Variants in ANKRD30B observed in about 807,000 individuals in gnomAD.
The protein encoded by ANKRD30B is ankyrin repeat domain-containing protein 30B.
ANKRD30B carries 144 observed loss-of-function variants against 202.2 expected under a neutral mutation model. The observed-to-expected ratio is 0.71, with a 90% CI of 0.62 to 0.82. The LOEUF is 0.82. ANKRD30B is among the 40% of genes least tolerant of loss of function. The pLI, the probability that ANKRD30B is intolerant of heterozygous loss-of-function variation, is 0.00. For synonymous variants in ANKRD30B, 508 were observed against 561.3 expected, an observed-to-expected ratio of 0.91 and a Z score of 1.34; for missense variants, 1,487 against 1,669.1, an observed-to-expected ratio of 0.89 and a Z score of 1.90.
At chr18:14,828,239 A>G (rs1286818602) in intron 32 of ANKRD30B, 39 bp from the exon 33 acceptor site, 1 of 1,421,446 alleles carries the variant, frequency 7.0e-7, no homozygotes, top group Admixed American at 2.3e-5. Flanking sequence ...TTTTATTTAT[A>G]TTTGTTGATT....
intron 24 of ANKRD30B, among the ~76,000 whole-genome samples, chr18:14,807,107 T>C (rs1318016332): frequency 1.3e-5 from 2 of 151,082 alleles, no homozygotes; most frequent in African/African-American, 2.4e-5. Context: ...AGAGAGTTTA[T>C]GTCCCCTGAA....
At chr18:14,765,171 T>C (rs1213663177) in intron 7 of ANKRD30B, among the ~76,000 whole-genome samples, 4 of 151,994 alleles carry the variant, frequency 2.6e-5, no homozygotes, top group Non-Finnish European at 4.4e-5. Context: ...ATAGGAAATA[T>C]GTTAGACCGC....
chr18:14,841,271 C>A (rs1368136773), intron 37 of ANKRD30B, among the ~76,000 whole-genome samples: 1 of 152,174 alleles, frequency 6.6e-6, no homozygotes, highest in Non-Finnish European at 1.5e-5. Flanking sequence ...GAAGTTTTCA[C>A]ACTTTAGAAA....
chr18:14,822,358 A>G (rs1970463361), intron 30 of ANKRD30B, 125 bp from the exon 31 acceptor site: 1 of 712,270 alleles, frequency 1.4e-6, no homozygotes, highest in Non-Finnish European at 2.4e-6. Context: ...AAAGACCCCA[A>G]AACCTAGTGT....
At chr18:14,848,498 A>G (rs955094310) in intron 39 of ANKRD30B, among the ~76,000 whole-genome samples, 1 of 152,072 alleles carries the variant, frequency 6.6e-6, no homozygotes, top group Non-Finnish European at 1.5e-5. Flanking sequence ...TTATAATTGT[A>G]ACTTTTCTGG....
At position 14,784,512 on chromosome 18, in the gene ANKRD30B, A is replaced by G; in HGVS notation, c.1649A>G (p.Lys550Arg). ...GTTCCAAATAAAGCCTTTGAATTGA[A>G]GAATGAACAAACATTGAGAGCAGGT... ...KTVPNKAFEL[K>R]NEQTLRAAQM... Residue 550 changes from lysine (K) to arginine (R), a missense_variant, in exon 14 of 44, where the codon AAG (lysine) becomes AGG (arginine). By Grantham distance (26) the Lys-to-Arg change is conservative. This residue lies in a region of ANKRD30B where 889 missense variants were observed against 841.4 expected (regional missense o/e 1.06). Transcript: ENST00000690538. The G allele has an allele frequency of 1.9e-6, 3 of 1,613,094 alleles. No homozygotes were observed. The highest frequency in any genetic ancestry group is 2.5e-6 in the Non-Finnish European group (3 of 1,179,288).
At chr18:14,833,802 A>G (rs1971058659) in intron 34 of ANKRD30B, among the ~76,000 whole-genome samples, 2 of 152,098 alleles carry the variant, frequency 1.3e-5, no homozygotes, top group South Asian at 2.1e-4. Flanking sequence ...TTCTTTCACG[A>G]CTGAAGCTCA....
chr18:14,932,073 T>A, the ANKRD30B span, among the ~76,000 whole-genome samples: 4 of 98,372 alleles, frequency 4.1e-5, 1 homozygote, highest in Non-Finnish European at 8.5e-5. Flanking sequence ...CCTGCCCTTG[T>A]GGGGCTTCTG....
At chr18:14,882,921 CTACTGCT>C in the ANKRD30B span, among the ~76,000 whole-genome samples, 3 of 152,156 alleles carry the variant, frequency 2.0e-5, no homozygotes, top group Admixed American at 6.5e-5. Flanking sequence ...ATGAGAATAG[CTACTGCT>C]GCTCGCTTTT....
the ANKRD30B span, among the ~76,000 whole-genome samples, chr18:14,902,998 T>C: frequency 6.6e-6 from 1 of 152,136 alleles, no homozygotes; most frequent in Admixed American, 6.5e-5. Context: ...ATTCACACAG[T>C]AGAGATGGCC....
chr18:14,861,443 G>T, the ANKRD30B span, among the ~76,000 whole-genome samples: 1 of 149,946 alleles, frequency 6.7e-6, no homozygotes, highest in Admixed American at 6.6e-5. Context: ...TCACATAAAT[G>T]AAAAACAAAA....
chr18:14,750,754 A>C (rs180748488), intron 1 of ANKRD30B, among the ~76,000 whole-genome samples: 1 of 152,140 alleles, frequency 6.6e-6, no homozygotes, highest in Non-Finnish European at 1.5e-5. Flanking sequence ...AGAAACATAT[A>C]CGGAAGTATG....
At chr18:14,880,546 A>G in the ANKRD30B span, among the ~76,000 whole-genome samples, 1 of 144,864 alleles carries the variant, frequency 6.9e-6, no homozygotes, top group Non-Finnish European at 1.5e-5. Context: ...TGTGTCGTCT[A>G]TGATTTCTTT....
chr18:14,766,955 G>T (rs1188988280), intron 7 of ANKRD30B, among the ~76,000 whole-genome samples: 2 of 152,156 alleles, frequency 1.3e-5, no homozygotes, highest in Non-Finnish European at 2.9e-5. Flanking sequence ...CTGTTCAAAA[G>T]AATTATTTTA....
At chr18:14,918,478 G>T in the ANKRD30B span, among the ~76,000 whole-genome samples, 1 of 152,122 alleles carries the variant, frequency 6.6e-6, no homozygotes, top group African/African-American at 2.4e-5. Flanking sequence ...GCATAAGAGT[G>T]AATTCAAAGC....
At chr18:14,889,886 C>G in the ANKRD30B span, 3 of 485,308 alleles carry the variant, frequency 6.2e-6, no homozygotes, top group African/African-American at 6.1e-5. Flanking sequence ...TTATATTACA[C>G]AGTTGGAGAT....
chr18:14,924,728 C>T, the ANKRD30B span, among the ~76,000 whole-genome samples: 5 of 152,256 alleles, frequency 3.3e-5, no homozygotes, highest in East Asian at 5.8e-4. Flanking sequence ...ACCCCAGTGT[C>T]GGGGCTGTCT....
intron 36 of ANKRD30B, among the ~76,000 whole-genome samples, chr18:14,839,377 A>G (rs2143163777): frequency 6.6e-6 from 1 of 152,326 alleles, no homozygotes; most frequent in East Asian, 1.9e-4. Flanking sequence ...AAGCCATATG[A>G]AAGTCTAGGA....
the ANKRD30B span, among the ~76,000 whole-genome samples, chr18:14,883,347 CTT>C: frequency 1.4e-5 from 2 of 139,510 alleles, no homozygotes; most frequent in African/African-American, 2.7e-5. Flanking sequence ...CTCTCTCTCT[CTT>C]TCTCTCTCTC....
Sources: gnomAD v4.1 joint callset for allele counts (sites outside exome capture counted in the v4.1 genomes callset) on GRCh38, gnomAD v4.1.1 for gene constraint, gnomAD v4.1.1 regional missense constraint, MANE v1.5 for transcripts, NCBI Gene and HGNC (gene_info 2026-07-23, HGNC 2026-07-21) for gene names.